Variants in NREP observed in about 807,000 individuals in gnomAD.
The protein encoded by NREP is neuronal regeneration-related protein.
Under a neutral mutation model 8.6 loss-of-function variants are expected in NREP, and 5 were observed. The observed-to-expected ratio is 0.58, with a 90% CI of 0.30 to 1.22. The LOEUF (loss-of-function observed/expected upper bound fraction) is 1.22. Among genes scored for constraint, NREP ranks in the 50% most tolerant of loss-of-function variants. The probability of loss-of-function intolerance (pLI) is 0.07; values close to 1 mark genes in which losing one functional copy is unlikely to be tolerated. For synonymous variants in NREP, 27 were observed against 28.0 expected (o/e 0.96, Z 0.11); for missense variants, 86 against 82.5 (o/e 1.04, Z -0.17).
intron 2 of NREP, among the ~76,000 whole-genome samples, chr5:111,855,385 A>ATTACC (rs1427800061): frequency 6.6e-6 from 1 of 152,216 alleles, no homozygotes; most frequent in African/African-American, 2.4e-5. Context: ...TAATTAATCA[A>ATTACC]TGTTAGCTCT....
chr5:111,909,331 A>C (rs1053749258), intron 2 of NREP, among the ~76,000 whole-genome samples: 2 of 152,084 alleles, frequency 1.3e-5, no homozygotes, highest in Admixed American at 1.3e-4. Flanking sequence ...ATCTTCCCTT[A>C]ACCAATGGTT....
intron 2 of NREP, among the ~76,000 whole-genome samples, chr5:111,768,268 C>A (rs1751133156): frequency 6.6e-6 from 1 of 152,084 alleles, no homozygotes; most frequent in Non-Finnish European, 1.5e-5. Flanking sequence ...AAAATAGGAG[C>A]AGAAGGAGAT....
intron 2 of NREP, among the ~76,000 whole-genome samples, chr5:111,929,124 G>A (rs1425387024): frequency 6.6e-6 from 1 of 151,994 alleles, no homozygotes; most frequent in Non-Finnish European, 1.5e-5. Context: ...TTAGTAAATG[G>A]TACTAATAGT....
chr5:111,804,483 T>A (rs1263880169), intron 2 of NREP, among the ~76,000 whole-genome samples: 4 of 152,150 alleles, frequency 2.6e-5, no homozygotes, highest in Non-Finnish European at 5.9e-5. Context: ...TAACTGTAAC[T>A]CAAAATCCAG....
chr5:111,947,631 G>C (rs1357321189), intron 2 of NREP, among the ~76,000 whole-genome samples: 1 of 151,884 alleles, frequency 6.6e-6, no homozygotes, highest in African/African-American at 2.4e-5. Flanking sequence ...AAATTAGAAA[G>C]AGAAATCATC....
chr5:111,964,891 A>C, intron 2 of NREP, among the ~76,000 whole-genome samples: 1 of 139,922 alleles, frequency 7.1e-6, no homozygotes, highest in Non-Finnish European at 1.5e-5. Context: ...AAAAAAAAAA[A>C]AAAAGAAACC....
intron 2 of NREP, among the ~76,000 whole-genome samples, chr5:111,871,745 G>T (rs1210859212): frequency 3.3e-5 from 5 of 151,294 alleles, no homozygotes; most frequent in Non-Finnish European, 5.9e-5. Context: ...GGATCATCAA[G>T]ATGTCACTAG....
intron 2 of NREP, among the ~76,000 whole-genome samples, chr5:111,805,739 T>A (rs1292039783): frequency 6.7e-6 from 1 of 150,236 alleles, no homozygotes; most frequent in Non-Finnish European, 1.5e-5. Flanking sequence ...ATAGGTGTTA[T>A]ATATGTTTAC....
At chr5:111,906,358 C>T (rs1244359258) in intron 2 of NREP, among the ~76,000 whole-genome samples, 1 of 151,882 alleles carries the variant, frequency 6.6e-6, no homozygotes, top group African/African-American at 2.4e-5. Flanking sequence ...AACTTTATTA[C>T]GAAATTGATG....
chr5:111,962,921 A>G (rs4957626), intron 2 of NREP, among the ~76,000 whole-genome samples: 61,324 of 152,072 alleles, frequency 0.4, 15,074 homozygotes, highest in Non-Finnish European at 0.56. Flanking sequence ...ACTAAATAAA[A>G]TTCTCTACCT....
intron 2 of NREP, among the ~76,000 whole-genome samples, chr5:111,847,411 C>G (rs915492394): frequency 3.3e-5 from 5 of 152,128 alleles, no homozygotes; most frequent in African/African-American, 1.2e-4. Context: ...ATTAGTTCCC[C>G]AAGGTCTCAT....
intron 2 of NREP, among the ~76,000 whole-genome samples, chr5:111,795,785 CTACA>C (rs999904202): frequency 2.6e-5 from 4 of 151,982 alleles, no homozygotes; most frequent in Admixed American, 2.6e-4. Flanking sequence ...CAGATATAGC[CTACA>C]TTTTAAAATC....
intron 2 of NREP, among the ~76,000 whole-genome samples, chr5:111,785,579 A>C (rs1363251331): frequency 6.6e-6 from 1 of 152,180 alleles, no homozygotes; most frequent in Non-Finnish European, 1.5e-5. Context: ...TGCCTGGCCC[A>C]AAATGACTAT....
intron 2 of NREP, among the ~76,000 whole-genome samples, chr5:111,830,066 C>G (rs914660977): frequency 6.6e-6 from 1 of 152,158 alleles, no homozygotes; most frequent in Non-Finnish European, 1.5e-5. Context: ...AGCCCATGGC[C>G]CACAGGCTGC....
At position 111,730,689 on chromosome 5, in the gene NREP, T is replaced by A. The variant is rs966241168; in HGVS notation, c.*232A>T. 2.2e-6 allele frequency: 1 copy of A among 458,540 alleles called. No homozygotes were observed. The highest frequency in any genetic ancestry group is 3.8e-6 in the Non-Finnish European group (1 of 259,836). 28.4% of individuals were successfully genotyped at this position (458,540 alleles called of 1,614,324 possible). A position where few individuals can be genotyped will look rare whatever the true frequency, so the allele number is the denominator to read the frequency against. On this transcript the variant is annotated 3_prime_UTR_variant, in exon 4 of 4. Coordinates refer to ENST00000257435, the MANE Select transcript of NREP (RefSeq NM_004772.4). ...AGGCCTGAAGGCCCACCTGTAAGGGTTGTAAACGTGGATTCACAGTGTGAA... is the reference window on the plus strand; with the variant it reads ...AGGCCTGAAGGCCCACCTGTAAGGGATGTAAACGTGGATTCACAGTGTGAA...
At chr5:111,956,899 G>C (rs949827737) in intron 2 of NREP, among the ~76,000 whole-genome samples, 2 of 151,944 alleles carry the variant, frequency 1.3e-5, no homozygotes, top group East Asian at 3.9e-4. Context: ...GGGAGATGGA[G>C]GTTGCAGTGA....
intron 2 of NREP, among the ~76,000 whole-genome samples, chr5:111,775,327 GA>G (rs1267036634): frequency 1.3e-5 from 2 of 152,174 alleles, no homozygotes; most frequent in Non-Finnish European, 2.9e-5. Flanking sequence ...GGAGCAGTGT[GA>G]AGTGAGTGCC....
intron 2 of NREP, among the ~76,000 whole-genome samples, chr5:111,875,436 A>C (rs1753881312): frequency 6.6e-6 from 1 of 152,122 alleles, no homozygotes; most frequent in Non-Finnish European, 1.5e-5. Flanking sequence ...AAATAAAATA[A>C]AATTTGGATA....
chr5:111,887,791 G>A (rs187196657), intron 2 of NREP, among the ~76,000 whole-genome samples: 164 of 152,260 alleles, frequency 1.1e-3, no homozygotes, highest in African/African-American at 3.9e-3. Flanking sequence ...AGACTTGATA[G>A]CAACACATTC....
Sources: gnomAD v4.1 joint callset for allele counts (sites outside exome capture counted in the v4.1 genomes callset) on GRCh38, gnomAD v4.1.1 for gene constraint, MANE v1.5 for transcripts, NCBI Gene and HGNC (gene_info 2026-07-23, HGNC 2026-07-21) for gene names.